The following PLEKHG5 variants were observed in gnomAD, a reference collection of about 807,000 sequenced individuals.
The protein encoded by PLEKHG5 is pleckstrin homology and RhoGEF domain containing G5.
A neutral mutation model predicts 103.8 loss-of-function variants in PLEKHG5; 52 were observed. The ratio of observed to expected loss-of-function variants is 0.50; its 90% CI spans 0.40 to 0.63. The LOEUF is 0.63. PLEKHG5 is among the 30% of genes least tolerant of loss of function. The pLI is 0.00. For synonymous variants in PLEKHG5, 592 were observed against 575.5 expected (o/e 1.03, Z -0.41); for missense variants, 1,205 against 1,347.6 (o/e 0.89, Z 1.66).
chr1:6,503,546 T>A (rs1645319197), intron 1 of PLEKHG5, among the ~76,000 whole-genome samples: 1 of 152,054 alleles, frequency 6.6e-6, no homozygotes, highest in Non-Finnish European at 1.5e-5. Flanking sequence ...TAGCTGGGAT[T>A]ACAGGTGCCT....
Position 6,505,609 on chromosome 1 carries a change from G to A in PLEKHG5, c.-164-9040C>T, listed in dbSNP as rs1348121757. On this transcript the variant is annotated intron_variant, in intron 1 of 21. Coordinates refer to the PLEKHG5 transcript ENST00000377740. The surrounding 1 kb of genome is among the most constrained non-coding windows in gnomAD (Gnocchi z 4.2). Reference sequence around the variant, plus strand: ...ACCTCTGTTTCCTCATCTGTAAAATGGGGACAAAAGGAGAAATGACCCACG... The same window carrying A: ...ACCTCTGTTTCCTCATCTGTAAAATAGGGACAAAAGGAGAAATGACCCACG... Among the ~76,000 whole-genome samples, 1 of 152,150 alleles carries A rather than the reference G, an allele frequency of 6.6e-6. No homozygotes were observed. Among genetic ancestry groups the A allele is most frequent in the Admixed American group, 6.5e-5 (1 of 15,274 alleles).
chr1:6,500,388 G>T (rs1428717715), upstream of PLEKHG5, among the ~76,000 whole-genome samples: 2 of 152,114 alleles, frequency 1.3e-5, no homozygotes, highest in Non-Finnish European at 2.9e-5. Flanking sequence ...CAGGGGGGCG[G>T]CCTCCTCTGC....
intron 1 of PLEKHG5, among the ~76,000 whole-genome samples, chr1:6,482,453 G>C (rs1303275431): frequency 2.0e-5 from 3 of 152,242 alleles, no homozygotes; most frequent in Non-Finnish European, 1.5e-5. Context: ...GAAAGTGACA[G>C]GAGGGAGGAG....
intron 1 of PLEKHG5, among the ~76,000 whole-genome samples, chr1:6,519,149 G>C (rs927618165): frequency 6.6e-6 from 1 of 152,152 alleles, no homozygotes; most frequent in Non-Finnish European, 1.5e-5. Context: ...GCAACCCTTC[G>C]GCATATGGAG....
At position 6,469,631 on chromosome 1, in the gene PLEKHG5, T is replaced by G; in HGVS notation, c.1846A>C (p.Lys616Gln). ...FLFTDLLLVT[K>Q]AVKKAERTRV... ...GTCCTCTCTGCCTTCTTCACTGCTT[T>G]GGTCACCAACAGCAGATCCGTGAAG... Residue 616 changes from lysine to glutamine, a missense_variant, in exon 17 of 21, where the codon AAA (lysine) becomes CAA (glutamine). Physicochemically the swap from Lys to Gln is moderately conservative, Grantham distance 53. Coordinates refer to ENST00000377728, the MANE Select transcript of PLEKHG5 (RefSeq NM_020631.6). 2 of 1,613,732 alleles carry G rather than the reference T, an allele frequency of 1.2e-6. No homozygotes were observed. Among genetic ancestry groups the G allele is most frequent in the Non-Finnish European group, 1.7e-6 (2 of 1,180,034 alleles).
rs575928443 is a variant in PLEKHG5 at position 6,516,525 on chromosome 1, C to T, written c.-165+2920G>A. Among the ~76,000 whole-genome samples the T allele has an allele frequency of 7.9e-5, 12 of 151,594 alleles. No homozygotes were observed. In the South Asian group the frequency reaches 2.1e-3, roughly 26 times the overall value. The stretch of plus-strand genomic sequence containing the variant: ...TACAAAAATTAGCTGGACGTGGTGG[C>T]GGGCATCTGTAATCCCAGCTACTGG... On this transcript the variant is annotated intron_variant, in intron 1 of 21. Coordinates refer to the PLEKHG5 transcript ENST00000377740.
At chr1:6,478,278 C>G (rs1644815835) in intron 1 of PLEKHG5, among the ~76,000 whole-genome samples, 1 of 151,946 alleles carries the variant, frequency 6.6e-6, no homozygotes, top group Non-Finnish European at 1.5e-5. Context: ...CTCACGTGAT[C>G]CTCGAGCCTC....
intron 11 of PLEKHG5, 58 bp from the exon 12 acceptor site, chr1:6,471,695 A>C: frequency 6.4e-7 from 1 of 1,572,668 alleles, no homozygotes; most frequent in Non-Finnish European, 8.6e-7. Flanking sequence ...GCCCCGCCCC[A>C]GGTCCAGGTC....
Position 6,469,650 on chromosome 1 carries a change from C to T in PLEKHG5, c.1827G>A (p.Thr609=), listed in dbSNP as rs1245178945. Residue 609 remains threonine, a synonymous_variant, in exon 17 of 21, where the codon ACG becomes ACA. Coordinates refer to ENST00000377728, the MANE Select transcript of PLEKHG5 (RefSeq NM_020631.6). The part of the protein sequence containing the change: ...SKMDVYCFLF[T]DLLLVTKAVK... ...CTGCTTTGGTCACCAACAGCAGATC[C>T]GTGAAGAGGAAGCAGTACACATCCA... is the stretch of plus-strand genomic sequence containing the variant. 5.0e-6 allele frequency: 8 copies of T among 1,613,420 alleles called. No homozygotes were observed. The highest frequency in any genetic ancestry group is 1.1e-5 in the South Asian group (1 of 91,074).
At chr1:6,478,233 A>T (rs1644815028) in intron 1 of PLEKHG5, among the ~76,000 whole-genome samples, 1 of 151,452 alleles carries the variant, frequency 6.6e-6, no homozygotes. Context: ...GTGCAGTGGC[A>T]CAATCATGGC....
upstream of PLEKHG5, chr1:6,497,209 G>A (rs1020800010): frequency 9.3e-6 from 8 of 863,124 alleles, no homozygotes; most frequent in South Asian, 7.1e-5. This position sits in a 1 kb window ranked among gnomAD's most constrained non-coding sequence, Gnocchi z 6.1. Context: ...CCCGAAGCCC[G>A]GTCGGCGCCC....
chr1:6,503,719 T>C (rs923886229), intron 1 of PLEKHG5, among the ~76,000 whole-genome samples: 4 of 152,066 alleles, frequency 2.6e-5, no homozygotes, highest in African/African-American at 9.7e-5. Flanking sequence ...CTACCCTGTC[T>C]TAAAGAGAAA....
rs139041955 is a variant in PLEKHG5 at position 6,470,363 on chromosome 1, C to G, written c.1681-8G>C. 1.4e-4 allele frequency: 219 copies of G among 1,613,966 alleles called. No homozygotes were observed. Among genetic ancestry groups the G allele is most frequent in the Admixed American group, 2.7e-4 (16 of 60,016 alleles). ...CAGAAATTCCTTCAGGAGCTGGGGA[C>G]GGATGGCGTGAACGTAGGGGAGGCC... On this transcript the variant is annotated splice_polypyrimidine_tract_variant and splice_region_variant and intron_variant, in intron 15 of 20. Coordinates refer to ENST00000377728, the MANE Select transcript of PLEKHG5 (RefSeq NM_020631.6).
At chr1:6,472,460 C>T (rs1644620276) in intron 10 of PLEKHG5, 67 bp downstream of exon 10, 6 of 1,140,064 alleles carry the variant, frequency 5.3e-6, no homozygotes, top group South Asian at 1.3e-5. Flanking sequence ...AAGGCTCAGA[C>T]TCAGCTGAGG....
chr1:6,519,840 C>T (rs910125253), exon 1 of PLEKHG5: 2 of 442,496 alleles, frequency 4.5e-6, no homozygotes, highest in African/African-American at 4.0e-5. Flanking sequence ...TTTTCCATTC[C>T]TGAGTGCCCA....
At chr1:6,499,705 A>G (rs1645274745), upstream of PLEKHG5, among the ~76,000 whole-genome samples, 1 of 152,166 alleles carries the variant, frequency 6.6e-6, no homozygotes, top group Non-Finnish European at 1.5e-5. Flanking sequence ...CCCCATCTAC[A>G]GCCTTCGAGG....
At chr1:6,475,004 T>C (rs1164389153) in intron 5 of PLEKHG5, 43 bp downstream of exon 5, 2 of 1,187,202 alleles carry the variant, frequency 1.7e-6, no homozygotes, top group South Asian at 2.4e-5. Context: ...GGGCCACCCC[T>C]ACTCCCAGTC....
At chr1:6,485,754 CG>C in intron 1 of PLEKHG5, 2 of 488,136 alleles carry the variant, frequency 4.1e-6, no homozygotes, top group Non-Finnish European at 5.4e-6. Flanking sequence ...TCTGCCCGGC[CG>C]GGGGACCCCC....
chr1:6,500,092 C>T (rs1438181207), upstream of PLEKHG5, among the ~76,000 whole-genome samples: 1 of 152,166 alleles, frequency 6.6e-6, no homozygotes, highest in Non-Finnish European at 1.5e-5. Flanking sequence ...GTTGAGCCAT[C>T]TACATAGCCT....
Sources: allele counts gnomAD v4.1 joint callset (sites outside exome capture counted in the v4.1 genomes callset), GRCh38; gene constraint gnomAD v4.1.1; non-coding constraint Gnocchi (gnomAD v3.1); transcripts MANE v1.5; gene names NCBI Gene and HGNC (gene_info 2026-07-23, HGNC 2026-07-21).